The following IGSF9 variants were observed in gnomAD, a reference collection of about 807,000 sequenced individuals.
IGSF9 encodes the protein protein turtle homolog A.
In IGSF9, 87 loss-of-function variants were observed where a neutral mutation model predicts 121.7. The observed-to-expected ratio is 0.71, with a 90% CI of 0.60 to 0.85. The LOEUF (loss-of-function observed/expected upper bound fraction) is 0.85. Ranked by LOEUF, IGSF9 falls within the 40% of genes least tolerant of loss-of-function variation. The probability of loss-of-function intolerance (pLI) is 0.00; values close to 1 mark genes in which losing one functional copy is unlikely to be tolerated. For missense variants in IGSF9, 1,462 were observed against 1,565.3 expected, an observed-to-expected ratio of 0.93 and a Z score of 1.11; for synonymous variants, 640 against 648.4, an observed-to-expected ratio of 0.99 and a Z score of 0.20.
chr1:159,929,749 C>T lies in IGSF9; in HGVS notation c.2215G>A (p.Val739Met), dbSNP rs1488168377. 1.2e-6 allele frequency: 2 copies of T among 1,604,494 alleles called. No homozygotes were observed. Among genetic ancestry groups the T allele is most frequent in the Middle Eastern group, 1.7e-4 (1 of 6,048 alleles). The change falls in exon 17 of 21, where the codon GTG (valine) becomes ATG (methionine). Residue 739 changes from valine (V) to methionine (M), a missense_variant. Around this residue, in one of 3 missense-constraint regions of IGSF9, gnomAD observed 808 missense variants for 815.2 expected, o/e 0.99. Coordinates refer to ENST00000368094, the MANE Select transcript of IGSF9 (RefSeq NM_001135050.2). Reference protein sequence around the residue: ...GLLPQPVLAGVVGGVCFLGVA... With the variant: ...GLLPQPVLAGMVGGVCFLGVA... ...CCCAGAAAGCAGACTCCGCCCACCA[C>T]GCCGGCCAGCACGGGCTGAGGCAGG...
Position 159,927,517 on chromosome 1 carries a change from G to A in IGSF9, c.3368C>T (p.Thr1123Ile), listed in dbSNP as rs1571208437. 3.1e-6 allele frequency: 5 copies of A among 1,612,616 alleles called. No homozygotes were observed. The highest frequency in any genetic ancestry group is 4.2e-6 in the Non-Finnish European group (5 of 1,178,888). Residue 1123 changes from threonine (T) to isoleucine (I), a missense_variant, in exon 21 of 21, where the codon ACT (threonine) becomes ATT (isoleucine). This residue lies in a region of IGSF9 where 808 missense variants were observed against 815.2 expected (regional missense o/e 0.99). Transcript: ENST00000368094. ...GTTCAGGAGGCAGCCCTCCTCTGGA[G>A]TCTTCACACCTGCAAGAGGCGGGCA... is the stretch of plus-strand genomic sequence containing the variant. ...PEAEPELGVK[T>I]PEEGCLLNTA...
rs552997339 is a variant in IGSF9 at position 159,928,752 on chromosome 1, C to T, written c.2636G>A (p.Arg879His). 8 of 1,477,158 alleles carry T rather than the reference C, an allele frequency of 5.4e-6. No homozygotes were observed. In the South Asian group the frequency reaches 8.4e-5, roughly 15 times the overall value. The allele number at this position is 1,477,158 out of a possible 1,614,324, so 91.5% of individuals were successfully genotyped here. A position where few individuals can be genotyped will look rare whatever the true frequency, so the allele number is the denominator to read the frequency against. ...GCTACAGTCAAAGGACCGGGCCAGA[C>T]GCTGGGCTGGAGTCCGAGGTTCTGC... Reference protein sequence around the residue: ...EQAEPRTPAQRLARSFDCSSS... With the variant: ...EQAEPRTPAQHLARSFDCSSS... Residue 879 changes from arginine (R) to histidine (H), a missense_variant, in exon 19 of 21, where the codon CGT (arginine) becomes CAT (histidine). By Grantham distance (29) the Arg-to-His change is conservative. Transcript: ENST00000368094.
Position 159,928,494 on chromosome 1 carries a change from G to A in IGSF9, c.2894C>T (p.Ser965Phe), listed in dbSNP as rs780731750. Residue 965 changes from serine (S) to phenylalanine (F), a missense_variant, in exon 19 of 21, where the codon TCT becomes TTT. By Grantham distance (155) the Ser-to-Phe change is radical. Coordinates refer to ENST00000368094, the MANE Select transcript of IGSF9 (RefSeq NM_001135050.2). ...YMDTRRCPTS[S>F]FLRSPETPPV... ...AGGGGTTTCTGGAGAACGAAGGAAAGATGAGGTGGGACAGCGCCGGGTATC... is the reference window on the plus strand; with the variant it reads ...AGGGGTTTCTGGAGAACGAAGGAAAAATGAGGTGGGACAGCGCCGGGTATC... The A allele has an allele frequency of 1.9e-6, 3 of 1,582,784 alleles. No homozygotes were observed. The highest frequency in any genetic ancestry group is 1.3e-5 in the African/African-American group (1 of 74,262).
At position 159,928,319 on chromosome 1, in the gene IGSF9, G is replaced by A. The variant is rs1200865383; in HGVS notation, c.3069C>T (p.Ser1023=). 1.9e-6 allele frequency: 3 copies of A among 1,610,606 alleles called. No homozygotes were observed. The highest frequency in any genetic ancestry group is 2.2e-5 in the South Asian group (2 of 90,582). ...AAGCGCTGCCTCGCCCACTGCTCTG[G>A]CTGGTGAGGCTGCCTCGAGGGGCAG... ...LPAAPRGSLT[S]QSSGRGSASF... Residue 1023 remains serine (S), a synonymous_variant, in exon 19 of 21, where the codon AGC becomes AGT. Transcript: ENST00000368094.
In IGSF9 at chr1:159,928,715, GGGGCT is replaced by G; in HGVS notation, c.2668_2672del (p.Ser890GlnfsTer10). 2 of 1,476,660 alleles carry G rather than the reference GGGGCT, an allele frequency of 1.4e-6. No homozygotes were observed. The highest frequency in any genetic ancestry group is 1.8e-6 in the Non-Finnish European group (2 of 1,112,050). The allele number at this position is 1,476,660 out of a possible 1,614,324, so 91.5% of individuals were successfully genotyped here. The stretch of plus-strand genomic sequence containing the variant: ...TGCAGAGGGGCTGGGGTGCCCCACT[GGGGCT>G]GCTGCTGCTACAGTCAAAGGACCGG... On this transcript the variant is annotated frameshift_variant, in exon 19 of 21. Coordinates refer to ENST00000368094, the MANE Select transcript of IGSF9 (RefSeq NM_001135050.2). LOFTEE classifies it high-confidence loss of function.
chr1:159,929,564 T>C (rs1650894848), intron 17 of IGSF9, 74 bp downstream of exon 17: 2 of 1,515,456 alleles, frequency 1.3e-6, no homozygotes, highest in Non-Finnish European at 8.9e-7. Context: ...CGAGGGCTTT[T>C]CCCCCAGGTA....
rs547686711 is a variant in IGSF9 at position 159,943,187 on chromosome 1, C to T, written c.59-36G>A. On this transcript the variant is annotated intron_variant, in intron 2 of 20. Transcript: ENST00000368094. Reference sequence around the variant, plus strand: ...GGTGGCATGAGGGCACAACGGGGGGCTAGGGTCAGTGCTGGGAGGGGGAGT... The same window carrying T: ...GGTGGCATGAGGGCACAACGGGGGGTTAGGGTCAGTGCTGGGAGGGGGAGT... The T allele has an allele frequency of 1.9e-6, 3 of 1,554,730 alleles. No individual in the cohort carries two copies. The East Asian group carries it at 6.9e-5, about 36-fold the overall frequency.
chr1:159,934,946 T>C, intron 6 of IGSF9, 124 bp from the exon 7 acceptor site: 1 of 1,127,692 alleles, frequency 8.9e-7, no homozygotes, highest in Non-Finnish European at 1.3e-6. Context: ...TTACAGGGCT[T>C]TGGGGAGTGG....
Position 159,928,669 on chromosome 1 carries a change from C to T in IGSF9, c.2719G>A (p.Ala907Thr), listed in dbSNP as rs1380881395. 6.8e-7 allele frequency: 1 copy of T among 1,477,774 alleles called. No homozygotes were observed. The allele number at this position is 1,477,774 out of a possible 1,614,324, so 91.5% of individuals were successfully genotyped here. Residue 907 changes from alanine (A) to threonine (T), a missense_variant, in exon 19 of 21, where the codon GCA becomes ACA. Physicochemically the swap from Ala to Thr is moderately conservative, Grantham distance 58. Coordinates refer to ENST00000368094, the MANE Select transcript of IGSF9 (RefSeq NM_001135050.2). ...CTGGGTGGGGCTGCTGGAGGGGGTG[C>T]CACAGGGCTGATGTCTTCAATGCAG... is the stretch of plus-strand genomic sequence containing the variant. The part of the protein sequence containing the change: ...PLCIEDISPV[A>T]PPPAAPPSPL...
In IGSF9 at chr1:159,931,806, C is replaced by A. The variant is rs1297376671; in HGVS notation, c.1362+6G>T. The A allele has an allele frequency of 3.9e-6, 6 of 1,554,776 alleles. No homozygotes were observed. The highest frequency in any genetic ancestry group is 2.0e-5 in the Admixed American group (1 of 50,684). Reference sequence around the variant, plus strand: ...GGTACAGGCAGAGCGGGCTCAGGAGCCTTACCTTGGTCCAAGAGACAACAG... The same window carrying A: ...GGTACAGGCAGAGCGGGCTCAGGAGACTTACCTTGGTCCAAGAGACAACAG... On this transcript the variant is annotated splice_donor_region_variant and intron_variant, in intron 11 of 20. Coordinates refer to ENST00000368094, the MANE Select transcript of IGSF9 (RefSeq NM_001135050.2). This position sits in a 1 kb window ranked among gnomAD's most constrained non-coding sequence, Gnocchi z 4.8.
chr1:159,944,956 C>T (rs1651534401), intron 1 of IGSF9, among the ~76,000 whole-genome samples: 1 of 152,052 alleles, frequency 6.6e-6, no homozygotes, highest in Non-Finnish European at 1.5e-5. Context: ...TTTTCCGAGA[C>T]TCTGAGTAAC....
chr1:159,940,627 A>G (rs1293837546), intron 3 of IGSF9, among the ~76,000 whole-genome samples: 1 of 152,248 alleles, frequency 6.6e-6, no homozygotes, highest in Non-Finnish European at 1.5e-5. Flanking sequence ...AATGGTGCTA[A>G]CTGCGCCCAG....
Position 159,932,862 on chromosome 1 carries a change from C to T in IGSF9, c.1105-210G>A, listed in dbSNP as rs1236496083. 7.5e-6 allele frequency: 4 copies of T among 533,910 alleles called. No homozygotes were observed. Among genetic ancestry groups the T allele is most frequent in the African/African-American group, 5.9e-5 (3 of 51,142 alleles). 33.1% of individuals were successfully genotyped at this position (533,910 alleles called of 1,614,324 possible). On this transcript the variant is annotated intron_variant, in intron 9 of 20. Transcript: ENST00000368094. This position sits in a 1 kb window ranked among gnomAD's most constrained non-coding sequence, Gnocchi z 4.1. ...TCCCAATAGTGTGAGGCTGTGACTG[C>T]ACAACTCCAGGGGGTGCCACTCACA...
chr1:159,934,358 G>T (rs763571886), intron 8 of IGSF9, 26 bp from the exon 9 acceptor site: 1 of 1,573,578 alleles, frequency 6.4e-7, no homozygotes, highest in Non-Finnish European at 8.6e-7. Context: ...GGCAAGTTGG[G>T]GGAGAGGGGC....
At position 159,929,633 on chromosome 1, in the gene IGSF9, C is replaced by T. The variant is rs1474069318; in HGVS notation, c.2326+5G>A. ...AGTAGCAGGGCTGAGGGTGGAGGGA[C>T]TTACCTTGGCGGAGGCGCTTGCGGC... On this transcript the variant is annotated splice_donor_5th_base_variant and intron_variant, in intron 17 of 20. Transcript: ENST00000368094. 1.3e-6 allele frequency: 2 copies of T among 1,592,816 alleles called. No individual in the cohort carries two copies. The highest frequency in any genetic ancestry group is 1.7e-6 in the Non-Finnish European group (2 of 1,170,980).
rs760887209 is a variant in IGSF9 at position 159,934,200 on chromosome 1, T to G, written c.1094A>C (p.Gln365Pro). ...VSWTKDGKALQLDKFPGWSQG... is the reference protein window; with the variant it reads ...VSWTKDGKALPLDKFPGWSQG... ...GCCCCAAGCCTGTACCTTGTCCAGC[T>G]GCAGGGCCTTTCCATCCTTGGTCCA... The change falls in exon 9 of 21, where the codon CAG (glutamine) becomes CCG (proline). Residue 365 changes from glutamine (Q) to proline (P), a missense_variant. This residue lies in a region of IGSF9 where 558 missense variants were observed against 599.4 expected (regional missense o/e 0.93). Transcript: ENST00000368094. The G allele has an allele frequency of 9.9e-6, 16 of 1,613,316 alleles. No individual in the cohort carries two copies. Among genetic ancestry groups the G allele is most frequent in the Non-Finnish European group, 1.4e-5 (16 of 1,179,682 alleles).
In IGSF9 at chr1:159,934,651, C is replaced by A. The variant is rs368139090; in HGVS notation, c.815+30G>T. 73 of 1,613,962 alleles carry A rather than the reference C, an allele frequency of 4.5e-5. No individual in the cohort carries two copies. In the African/African-American group the frequency reaches 8.9e-4, roughly 20 times the overall value. On this transcript the variant is annotated intron_variant, in intron 7 of 20. Transcript: ENST00000368094. ...TCAGAGACTGTTTGTGAATTCCCCA[C>A]CTCCACCTTCCTAATGAGGGTGACC... is the stretch of plus-strand genomic sequence containing the variant.
rs1650963799 is a variant in IGSF9 at position 159,930,705 on chromosome 1, CAA to C, written c.1798_1799del (p.Leu600ValfsTer51). The C allele has an allele frequency of 6.2e-7, 1 of 1,613,976 alleles. No individual in the cohort carries two copies. Among genetic ancestry groups the C allele is most frequent in the South Asian group, 1.1e-5 (1 of 91,084 alleles). On this transcript the variant is annotated frameshift_variant, in exon 14 of 21. Transcript: ENST00000368094. LOFTEE classifies it high-confidence loss of function. Reference sequence around the variant, plus strand: ...GAAGCTTCTCACCTTCCGGAGCAGACAAGACGATTTCGCTGAAGGGACCACTC... The same window carrying C: ...GAAGCTTCTCACCTTCCGGAGCAGACGACGATTTCGCTGAAGGGACCACTC... ...LGSGPFSEIV[L>X]SAPEGLPTTP...
Position 159,931,292 on chromosome 1 carries a change from C to T in IGSF9, c.1514-31G>A, listed in dbSNP as rs745831470. On this transcript the variant is annotated intron_variant, in intron 12 of 20. Coordinates refer to ENST00000368094, the MANE Select transcript of IGSF9 (RefSeq NM_001135050.2). This position sits in a 1 kb window ranked among gnomAD's most constrained non-coding sequence, Gnocchi z 4.8. ...CAGGGGGGAATGGAGGGATGGTGGT[C>T]AGGGCCTGAGGGAGTGTACAGAGTA... 37 of 1,613,608 alleles carry T rather than the reference C, an allele frequency of 2.3e-5. No individual in the cohort carries two copies. The highest frequency in any genetic ancestry group is 8.5e-7 in the Non-Finnish European group (1 of 1,179,826).
Sources: gnomAD v4.1 joint callset for allele counts (sites outside exome capture counted in the v4.1 genomes callset) on GRCh38, gnomAD v4.1.1 for gene constraint, gnomAD v4.1.1 regional missense constraint, Gnocchi (gnomAD v3.1) non-coding constraint, MANE v1.5 for transcripts, NCBI Gene and HGNC (gene_info 2026-07-23, HGNC 2026-07-21) for gene names.